The following TET3 variants were observed in gnomAD, a reference collection of about 807,000 sequenced individuals.
TET3 encodes the protein tet methylcytosine dioxygenase 3.
Under a neutral mutation model 141.4 loss-of-function variants are expected in TET3, and 19 were observed. The observed-to-expected ratio is 0.13, with a 90% CI of 0.09 to 0.20. The LOEUF is 0.20. Among genes scored for constraint, TET3 ranks in the 10% least tolerant of loss-of-function variants. The pLI is 1.00. For synonymous variants in TET3, 1,043 were observed against 980.9 expected (o/e 1.06, Z -1.18); for missense variants, 1,874 against 2,356.9 (o/e 0.80, Z 4.24).
At chr2:74,122,554 C>G in the TET3 span, 1 of 115,136 alleles carries the variant, frequency 8.7e-6, no homozygotes, top group Non-Finnish European at 1.7e-5. Flanking sequence ...TGCTCTGTTA[C>G]CCAGGCTGGA....
chr2:74,117,940 T>C, the TET3 span, among the ~76,000 whole-genome samples: 2 of 152,010 alleles, frequency 1.3e-5, no homozygotes, highest in Non-Finnish European at 2.9e-5. Flanking sequence ...GTGACGGGGT[T>C]TCACCATGTT....
chr2:74,019,851 T>C (rs1475194466), intron 3 of TET3, among the ~76,000 whole-genome samples: 2 of 152,198 alleles, frequency 1.3e-5, no homozygotes, highest in Admixed American at 6.5e-5. Context: ...ATCTCATTAT[T>C]ATCCTGAGAC....
downstream of TET3, among the ~76,000 whole-genome samples, chr2:74,112,033 C>T (rs572555557): frequency 7.2e-5 from 11 of 152,176 alleles, no homozygotes; most frequent in Admixed American, 5.2e-4. Context: ...TTCTAGCCCC[C>T]ATTTGATCTC....
At chr2:73,992,113 A>G (rs1410334012) in intron 2 of TET3, among the ~76,000 whole-genome samples, 1 of 152,072 alleles carries the variant, frequency 6.6e-6, no homozygotes, top group Non-Finnish European at 1.5e-5. Context: ...TTCTAGCAAG[A>G]GTGAGAGGGA....
chr2:74,133,729 T>C, the TET3 span, among the ~76,000 whole-genome samples: 2,614 of 152,292 alleles, frequency 0.017, 96 homozygotes, highest in African/African-American at 0.06. Context: ...TGCAGGTCAC[T>C]TTCACTTTAT....
chr2:74,046,326 G>A lies in TET3; in HGVS notation c.409G>A (p.Asp137Asn). The A allele has an allele frequency of 6.6e-7, 1 of 1,519,032 alleles. No individual in the cohort carries two copies. The highest frequency in any genetic ancestry group is 8.8e-7 in the Non-Finnish European group (1 of 1,135,538). The allele number at this position is 1,519,032 out of a possible 1,614,324, so 94.1% of individuals were successfully genotyped here. A position where few individuals can be genotyped will look rare whatever the true frequency, so the allele number is the denominator to read the frequency against. Residue 137 changes from aspartate to asparagine, a missense_variant, in exon 4 of 12, where the codon GAC (aspartate) becomes AAC (asparagine). By Grantham distance (23) the Asp-to-Asn change is conservative. Around this residue, in one of 10 missense-constraint regions of TET3, gnomAD observed 366 missense variants for 487.0 expected, o/e 0.75. Transcript: ENST00000409262. This position sits in a 1 kb window ranked among gnomAD's most constrained non-coding sequence, Gnocchi z 4.3. ...PVDGPVPGQM[D>N]SGPVYHGDSR... ...TGATGGACCTGTTCCAGGTCAGATG[G>A]ACTCAGGGCCAGTGTACCATGGGGA...
the TET3 span, among the ~76,000 whole-genome samples, chr2:74,125,366 A>C: frequency 6.6e-6 from 1 of 152,210 alleles, no homozygotes; most frequent in Non-Finnish European, 1.5e-5. Flanking sequence ...GGCTGGATGG[A>C]TAACACCATG....
At chr2:74,003,035 G>T in intron 2 of TET3, 75 bp from the exon 3 acceptor site, 1 of 1,507,950 alleles carries the variant, frequency 6.6e-7, no homozygotes, top group Non-Finnish European at 9.0e-7. Flanking sequence ...GGCCGGGCTG[G>T]GGGCTGTAGC....
chr2:74,045,662 C>A (rs1687576261), intron 3 of TET3, among the ~76,000 whole-genome samples: 1 of 152,174 alleles, frequency 6.6e-6, no homozygotes, highest in Non-Finnish European at 1.5e-5. Flanking sequence ...TTCCCTCAGG[C>A]CTGGGGCTGT....
At chr2:74,070,740 G>A (rs1052617850) in intron 4 of TET3, among the ~76,000 whole-genome samples, 3 of 152,116 alleles carry the variant, frequency 2.0e-5, no homozygotes, top group Admixed American at 6.5e-5. Context: ...TTGGGAGGCC[G>A]AGGCAGGCAG....
At chr2:74,001,858 A>G (rs1684864056) in intron 2 of TET3, among the ~76,000 whole-genome samples, 2 of 151,214 alleles carry the variant, frequency 1.3e-5, no homozygotes, top group South Asian at 4.2e-4. Flanking sequence ...AGGTCTGGGG[A>G]CCCTTGGGGT....
chr2:74,070,682 C>T (rs189241949), intron 4 of TET3, among the ~76,000 whole-genome samples: 149 of 152,198 alleles, frequency 9.8e-4, no homozygotes, highest in South Asian at 2.7e-3. Flanking sequence ...ACTATTTTAA[C>T]AAAAATACCG....
chr2:74,114,853 C>CAAAAAGAAAAA, the TET3 span, among the ~76,000 whole-genome samples: 1 of 43,882 alleles, frequency 2.3e-5, no homozygotes, highest in Non-Finnish European at 3.8e-5. Context: ...GACTCTGTCT[C>CAAAAAGAAAAA]AAAAAAAAAA....
rs1478344467 is a variant in TET3, at chr2:74,047,529, C to G, written c.1612C>G (p.Leu538Val). 1.2e-6 allele frequency: 2 copies of G among 1,613,626 alleles called. No individual in the cohort carries two copies. The highest frequency in any genetic ancestry group is 1.7e-6 in the Non-Finnish European group (2 of 1,179,888). Residue 538 changes from leucine to valine, a missense_variant, in exon 4 of 12, where the codon CTC (leucine) becomes GTC (valine). Leu to Val is a conservative substitution (Grantham distance 32). Around this residue, in one of 10 missense-constraint regions of TET3, gnomAD observed 484 missense variants for 462.2 expected, o/e 1.05. Coordinates refer to ENST00000409262, the MANE Select transcript of TET3 (RefSeq NM_001287491.2). ...LQQHLHHKRSLFLEQVHDTSF... is the reference protein window; with the variant it reads ...LQQHLHHKRSVFLEQVHDTSF... ...GCAGCACCTCCACCACAAGCGCAGCCTCTTCCTAGAACAGGTGCACGACAC... is the reference window on the plus strand; with the variant it reads ...GCAGCACCTCCACCACAAGCGCAGCGTCTTCCTAGAACAGGTGCACGACAC...
At chr2:74,132,200 G>A in the TET3 span, among the ~76,000 whole-genome samples, 7 of 152,236 alleles carry the variant, frequency 4.6e-5, no homozygotes, top group African/African-American at 1.7e-4. Context: ...TCCAGCTAGA[G>A]GCTGCAATTT....
chr2:74,133,461 G>T, the TET3 span, among the ~76,000 whole-genome samples: 6 of 152,222 alleles, frequency 3.9e-5, no homozygotes, highest in African/African-American at 1.2e-4. Context: ...CTGATGGCTT[G>T]ACTGTGGCTG....
chr2:74,116,348 A>G, the TET3 span, among the ~76,000 whole-genome samples: 1 of 152,126 alleles, frequency 6.6e-6, no homozygotes, highest in Admixed American at 6.6e-5. Context: ...CAGCAATCCC[A>G]CTACTGGGCA....
chr2:73,994,677 C>T (rs1684501050), intron 2 of TET3, among the ~76,000 whole-genome samples: 2 of 135,868 alleles, frequency 1.5e-5, no homozygotes, highest in African/African-American at 5.7e-5. Context: ...CTCGCTGTGT[C>T]CCCCAGGCTG....
At chr2:74,062,373 A>G (rs1392485184) in intron 4 of TET3, among the ~76,000 whole-genome samples, 2 of 152,274 alleles carry the variant, frequency 1.3e-5, no homozygotes, top group Non-Finnish European at 2.9e-5. Flanking sequence ...TGAACACTAA[A>G]TCTGTTCAAA....
Sources: gnomAD v4.1 joint callset for allele counts (sites outside exome capture counted in the v4.1 genomes callset) on GRCh38, gnomAD v4.1.1 for gene constraint, gnomAD v4.1.1 regional missense constraint, Gnocchi (gnomAD v3.1) non-coding constraint, MANE v1.5 for transcripts, NCBI Gene and HGNC (gene_info 2026-07-23, HGNC 2026-07-21) for gene names.